The following LYZL4 variants were observed in gnomAD, a reference collection of about 807,000 sequenced individuals.
LYZL4 encodes lysozyme-like protein 4.
In LYZL4, 13 loss-of-function variants were observed where a neutral mutation model predicts 17.6. That is an observed-to-expected ratio of 0.74 (90% CI 0.48 to 1.18). The LOEUF (loss-of-function observed/expected upper bound fraction) is 1.18, where lower values mean the gene tolerates loss of function less well. Ranked by LOEUF, LYZL4 falls within the 50% of genes most tolerant of loss-of-function variation. LYZL4 has a pLI of 0.00. For missense variants in LYZL4, 174 were observed against 188.2 expected (o/e 0.92, Z 0.44); for synonymous variants, 64 against 67.7 (o/e 0.95, Z 0.27).
chr3:42,386,407 C>CTG, the LYZL4 span, among the ~76,000 whole-genome samples: 1 of 118,938 alleles, frequency 8.4e-6, no homozygotes, highest in East Asian at 2.6e-4. Context: ...CCCCCCCCCC[C>CTG]CCCCCGCCTC....
chr3:42,361,099 T>C, the LYZL4 span, among the ~76,000 whole-genome samples: 1 of 152,246 alleles, frequency 6.6e-6, no homozygotes, highest in Non-Finnish European at 1.5e-5. Context: ...CAACAATTTT[T>C]ATTAGTTTCT....
At chr3:42,373,671 A>C in the LYZL4 span, among the ~76,000 whole-genome samples, 3 of 152,154 alleles carry the variant, frequency 2.0e-5, no homozygotes. Flanking sequence ...ACAATCAGGA[A>C]GGGATGAAGA....
the LYZL4 span, among the ~76,000 whole-genome samples, chr3:42,365,514 A>T: frequency 2.6e-5 from 4 of 152,076 alleles, no homozygotes; most frequent in Admixed American, 2.6e-4. Flanking sequence ...CCTGAGGCAC[A>T]TCCTTTTCTT....
At position 42,407,296 on chromosome 3, in the gene LYZL4, G is replaced by C; in HGVS notation, c.-45C>G. 1 of 1,612,644 alleles carries C rather than the reference G, an allele frequency of 6.2e-7. No homozygotes were observed. The highest frequency in any genetic ancestry group is 8.5e-7 in the Non-Finnish European group (1 of 1,179,540). On this transcript the variant is annotated 5_prime_UTR_variant, in exon 2 of 5. Coordinates refer to ENST00000287748, the MANE Select transcript of LYZL4 (RefSeq NM_144634.4). ...GGTCAGGGCAACGGTGGCCAGATGA[G>C]TGGGTGGAGTCACAGGGACACTGGT... is the stretch of plus-strand genomic sequence containing the variant.
chr3:42,407,717 G>A (rs1226882896), intron 1 of LYZL4, among the ~76,000 whole-genome samples: 2 of 147,682 alleles, frequency 1.4e-5, no homozygotes, highest in African/African-American at 2.5e-5. Flanking sequence ...AAAAAAAAAA[G>A]CATCATGGCC....
chr3:42,388,023 G>A, the LYZL4 span, among the ~76,000 whole-genome samples: 1 of 152,264 alleles, frequency 6.6e-6, no homozygotes, highest in East Asian at 1.9e-4. Context: ...GCCTCCAGGG[G>A]TCGTGAGCAG....
chr3:42,404,002 A>C, intron 4 of LYZL4, 44 bp downstream of exon 4: 1 of 1,335,266 alleles, frequency 7.5e-7, no homozygotes, highest in African/African-American at 1.5e-5. Context: ...AGAGATCATG[A>C]GTGAAAGTCG....
chr3:42,389,941 A>G, the LYZL4 span, among the ~76,000 whole-genome samples: 3 of 152,210 alleles, frequency 2.0e-5, no homozygotes, highest in African/African-American at 7.2e-5. Flanking sequence ...ATGGATCTGC[A>G]CAGGGTGCTG....
chr3:42,365,387 A>G, the LYZL4 span, among the ~76,000 whole-genome samples: 3 of 152,164 alleles, frequency 2.0e-5, no homozygotes, highest in Admixed American at 2.0e-4. Flanking sequence ...ATAAGAGTTT[A>G]TTTCACGCTC....
intron 4 of LYZL4, among the ~76,000 whole-genome samples, chr3:42,399,413 A>G (rs1177376607): frequency 6.6e-6 from 1 of 152,260 alleles, no homozygotes; most frequent in African/African-American, 2.4e-5. Context: ...AGCAGCAACA[A>G]AAATGGAACG....
At chr3:42,402,310 C>T (rs1050604693) in intron 4 of LYZL4, among the ~76,000 whole-genome samples, 16 of 115,980 alleles carry the variant, frequency 1.4e-4, no homozygotes, top group Middle Eastern at 4.2e-3. Flanking sequence ...CATTTCTTTT[C>T]TTTTCTTTCT....
chr3:42,408,916 A>G (rs1473730975), intron 1 of LYZL4, among the ~76,000 whole-genome samples: 2 of 152,240 alleles, frequency 1.3e-5, no homozygotes, highest in African/African-American at 4.8e-5. Flanking sequence ...CTATGGGACA[A>G]AATTGCCCCC....
downstream of LYZL4, among the ~76,000 whole-genome samples, chr3:42,393,371 G>A (rs141416695): frequency 2.1e-5 from 3 of 145,626 alleles, no homozygotes; most frequent in East Asian, 6.1e-4. Flanking sequence ...ACACAACCAG[G>A]CCCTCCTGGT....
chr3:42,379,054 C>T, the LYZL4 span, among the ~76,000 whole-genome samples: 1 of 152,052 alleles, frequency 6.6e-6, no homozygotes, highest in African/African-American at 2.4e-5. Flanking sequence ...TCACCTATTG[C>T]TGCATAACAA....
the LYZL4 span, among the ~76,000 whole-genome samples, chr3:42,363,758 A>G: frequency 2.6e-5 from 4 of 152,212 alleles, no homozygotes; most frequent in African/African-American, 4.8e-5. Context: ...CACCAGCACT[A>G]TGAAAATGGT....
chr3:42,409,536 C>T (rs939202054), intron 1 of LYZL4, among the ~76,000 whole-genome samples: 2 of 152,210 alleles, frequency 1.3e-5, no homozygotes, highest in Non-Finnish European at 2.9e-5. Context: ...CTCTCCTCCC[C>T]TCTCCCCCAG....
the LYZL4 span, among the ~76,000 whole-genome samples, chr3:42,378,075 C>T: frequency 2.6e-5 from 4 of 152,194 alleles, no homozygotes; most frequent in African/African-American, 9.7e-5. Context: ...AGGGCTCATC[C>T]ACACAGGATT....
chr3:42,407,929 A>G (rs997394181), intron 1 of LYZL4, among the ~76,000 whole-genome samples: 1 of 152,182 alleles, frequency 6.6e-6, no homozygotes, highest in African/African-American at 2.4e-5. Flanking sequence ...GACAACAGAC[A>G]AGTCATTTAG....
the LYZL4 span, among the ~76,000 whole-genome samples, chr3:42,367,286 C>T: frequency 6.6e-6 from 1 of 152,158 alleles, no homozygotes; most frequent in Non-Finnish European, 1.5e-5. Flanking sequence ...AGGACTATAA[C>T]AACAACAAAT....
Sources: allele counts gnomAD v4.1 joint callset (sites outside exome capture counted in the v4.1 genomes callset), GRCh38; gene constraint gnomAD v4.1.1; transcripts MANE v1.5; gene names NCBI Gene and HGNC (gene_info 2026-07-23, HGNC 2026-07-21).